Variants in LDLRAD4 observed in about 807,000 individuals in gnomAD.
LDLRAD4 encodes the protein low-density lipoprotein receptor class A domain-containing protein 4.
A neutral mutation model predicts 17.0 loss-of-function variants in LDLRAD4; 5 were observed. The observed-to-expected ratio is 0.29, with a 90% CI of 0.15 to 0.62. LDLRAD4 has a LOEUF of 0.62. Among genes scored for constraint, LDLRAD4 ranks in the 20% least tolerant of loss-of-function variants. LDLRAD4 has a pLI of 0.84. For synonymous variants in LDLRAD4, 168 were observed against 171.8 expected, an observed-to-expected ratio of 0.98 and a Z score of 0.17; for missense variants, 340 against 424.7, an observed-to-expected ratio of 0.80 and a Z score of 1.75.
intron 1 of LDLRAD4, among the ~76,000 whole-genome samples, chr18:13,340,605 A>G (rs1355922360): frequency 1.3e-5 from 2 of 152,074 alleles, no homozygotes; most frequent in African/African-American, 4.8e-5. Context: ...GAGCTTTAGT[A>G]GTTCTTTATA....
intron 3 of LDLRAD4, among the ~76,000 whole-genome samples, chr18:13,567,285 T>C (rs2094617127): frequency 6.6e-6 from 1 of 152,248 alleles, no homozygotes; most frequent in Non-Finnish European, 1.5e-5. Context: ...ACCTTGCGTC[T>C]TCCTAATCTA....
chr18:13,609,975 G>A (rs2148699984), intron 3 of LDLRAD4, among the ~76,000 whole-genome samples: 1 of 151,980 alleles, frequency 6.6e-6, no homozygotes, highest in East Asian at 1.9e-4. Context: ...CAGCAAGACT[G>A]CATCCAAAAA....
At chr18:13,387,472 A>G (rs1293563818) in exon 2 of LDLRAD4, 1 of 429,790 alleles carries the variant, frequency 2.3e-6, no homozygotes, top group Non-Finnish European at 4.2e-6. Flanking sequence ...CAGCCCCTCC[A>G]CCCGCGCCAT....
At chr18:13,617,409 A>G (rs547904487) in intron 3 of LDLRAD4, among the ~76,000 whole-genome samples, 1 of 152,368 alleles carries the variant, frequency 6.6e-6, no homozygotes, top group South Asian at 2.1e-4. Flanking sequence ...GAGCAAATAA[A>G]GATCTAACAT....
Position 13,625,383 on chromosome 18 carries a change from G to A in LDLRAD4, c.336+4112G>A, listed in dbSNP as rs570063907. ...GAGTGAGTTTTGGTTTGGAGGAGGA[G>A]GATGAGCAGGCCAGCAGCCTTACTT... is the stretch of plus-strand genomic sequence containing the variant. On this transcript the variant is annotated intron_variant, in intron 4 of 5. Coordinates refer to ENST00000359446, the Ensembl canonical transcript of LDLRAD4. Among the ~76,000 whole-genome samples, 308 of 152,284 alleles carry A rather than the reference G, an allele frequency of 2.0e-3. 1 individual carries two copies. The highest frequency in any genetic ancestry group is 3.3e-3 in the Non-Finnish European group (223 of 68,022).
chr18:13,477,845 GT>G (rs1568221016), intron 3 of LDLRAD4, among the ~76,000 whole-genome samples: 1 of 152,206 alleles, frequency 6.6e-6, no homozygotes, highest in African/African-American at 2.4e-5. Flanking sequence ...AGTCGATGTA[GT>G]CAAGGGCCAG....
chr18:13,603,636 G>A (rs1218123377), intron 3 of LDLRAD4, among the ~76,000 whole-genome samples: 1 of 152,186 alleles, frequency 6.6e-6, no homozygotes, highest in African/African-American at 2.4e-5. Flanking sequence ...CTGGAGCACT[G>A]CCTGGCCCAC....
intron 3 of LDLRAD4, among the ~76,000 whole-genome samples, chr18:13,620,090 C>T (rs528081517): frequency 1.4e-3 from 206 of 152,208 alleles, no homozygotes; most frequent in African/African-American, 4.6e-3. Flanking sequence ...GGGCAGCAGA[C>T]GCACACAGTC....
chr18:13,389,383 G>A (rs2086091572), intron 2 of LDLRAD4, among the ~76,000 whole-genome samples: 1 of 152,092 alleles, frequency 6.6e-6, no homozygotes. Flanking sequence ...CTCCCCTCCA[G>A]GTGGGGGTGG....
At chr18:13,224,797 T>C (rs1051271007) in intron 1 of LDLRAD4, among the ~76,000 whole-genome samples, 9 of 150,896 alleles carry the variant, frequency 6.0e-5, no homozygotes, top group African/African-American at 2.2e-4. Flanking sequence ...TCTTTAAAAA[T>C]GAAAAAAAGT....
chr18:13,263,736 C>G (rs541767760), intron 1 of LDLRAD4, among the ~76,000 whole-genome samples: 1 of 152,124 alleles, frequency 6.6e-6, no homozygotes, highest in East Asian at 1.9e-4. Flanking sequence ...AATCATGTTC[C>G]GAGCTTGAGA....
chr18:13,272,345 G>A (rs1055469368), intron 1 of LDLRAD4, among the ~76,000 whole-genome samples: 4 of 152,236 alleles, frequency 2.6e-5, no homozygotes, highest in African/African-American at 9.6e-5. Flanking sequence ...CCCAGCAATG[G>A]CCGGAGTTGG....
chr18:13,549,720 GACCAGCAGC>G (rs1293647097), intron 3 of LDLRAD4, among the ~76,000 whole-genome samples: 2 of 151,820 alleles, frequency 1.3e-5, no homozygotes, highest in Non-Finnish European at 2.9e-5. Flanking sequence ...GTGTGCCGTA[GACCAGCAGC>G]ACCCTATGCA....
intron 1 of LDLRAD4, chr18:13,382,510 A>G (rs557800131): frequency 1.3e-5 from 2 of 152,258 alleles, no homozygotes; most frequent in African/African-American, 4.8e-5. Context: ...TTGCTCTGTT[A>G]TGGGAGGGAC....
chr18:13,441,317 C>T (rs1389544377), intron 3 of LDLRAD4, among the ~76,000 whole-genome samples: 1 of 152,200 alleles, frequency 6.6e-6, no homozygotes, highest in African/African-American at 2.4e-5. Context: ...AGCAGGCAGA[C>T]AGCCTGCCTT....
chr18:13,552,552 G>GT (rs2094445303), intron 3 of LDLRAD4, among the ~76,000 whole-genome samples: 1 of 152,154 alleles, frequency 6.6e-6, no homozygotes, highest in African/African-American at 2.4e-5. Context: ...CTCCTCTCTG[G>GT]TTGCTGGTGC....
chr18:13,396,103 G>C (rs1162973644), intron 2 of LDLRAD4, among the ~76,000 whole-genome samples: 1 of 152,180 alleles, frequency 6.6e-6, no homozygotes, highest in African/African-American at 2.4e-5. Context: ...AGTGGTTTAT[G>C]GTTCCGTTAA....
chr18:13,643,387 C>T lies in LDLRAD4; in HGVS notation c.365C>T (p.Ala122Val), dbSNP rs761909600. ...GGGTGCCTGTGGCCTTCAGACAGCG[C>T]CGCACCGCGGCTGGGCGCCTCGGAG... Residue 122 changes from alanine to valine, a missense_variant, in exon 5 of 6, where the codon GCC becomes GTC. By Grantham distance (64) the Ala-to-Val change is moderately conservative. Coordinates refer to ENST00000359446, the Ensembl canonical transcript of LDLRAD4. 7.2e-6 allele frequency: 10 copies of T among 1,379,590 alleles called. No individual in the cohort carries two copies. In the African/African-American group the frequency reaches 1.3e-4, roughly 19 times the overall value. 85.5% of individuals were successfully genotyped at this position (1,379,590 alleles called of 1,614,324 possible). A position where few individuals can be genotyped will look rare whatever the true frequency, so the allele number is the denominator to read the frequency against.
intron 2 of LDLRAD4, among the ~76,000 whole-genome samples, chr18:13,388,159 G>T (rs1021877983): frequency 6.6e-6 from 1 of 152,158 alleles, no homozygotes; most frequent in African/African-American, 2.4e-5. Context: ...TGTGTGCTTG[G>T]TGCCTCCCCA....
Sources: gnomAD v4.1 joint callset for allele counts (sites outside exome capture counted in the v4.1 genomes callset) on GRCh38, gnomAD v4.1.1 for gene constraint, MANE v1.5 for transcripts, NCBI Gene and HGNC (gene_info 2026-07-23, HGNC 2026-07-21) for gene names.